The following ULK4 variants were observed in gnomAD, a reference collection of about 807,000 sequenced individuals.
ULK4 encodes the protein inactive serine/threonine-protein kinase ULK4.
Under a neutral mutation model 160.6 loss-of-function variants are expected in ULK4, and 133 were observed. That is an observed-to-expected ratio of 0.83 (90% CI 0.72 to 0.96). The LOEUF is 0.96. Among genes scored for constraint, ULK4 ranks in the 40% least tolerant of loss-of-function variants. ULK4 has a pLI of 0.00. For synonymous variants in ULK4, 534 were observed against 539.8 expected, an observed-to-expected ratio of 0.99 and a Z score of 0.15; for missense variants, 1,580 against 1,499.5, an observed-to-expected ratio of 1.05 and a Z score of -0.89.
At chr3:41,626,410 G>A (rs1419934532) in intron 30 of ULK4, among the ~76,000 whole-genome samples, 1 of 151,974 alleles carries the variant, frequency 6.6e-6, no homozygotes, top group Non-Finnish European at 1.5e-5. Context: ...ATCTATGGAA[G>A]CTACAAGCAC....
At chr3:41,627,404 A>G (rs990781536) in intron 30 of ULK4, among the ~76,000 whole-genome samples, 3 of 152,184 alleles carry the variant, frequency 2.0e-5, no homozygotes, top group Admixed American at 2.0e-4. Context: ...CTACTCATAA[A>G]AAGAGTAGAC....
At chr3:41,668,400 A>C (rs903096218) in intron 29 of ULK4, among the ~76,000 whole-genome samples, 1 of 152,104 alleles carries the variant, frequency 6.6e-6, no homozygotes, top group African/African-American at 2.4e-5. Context: ...TCATATAAAA[A>C]TTTTTTTCTG....
intron 35 of ULK4, among the ~76,000 whole-genome samples, chr3:41,299,115 T>G (rs2079731127): frequency 6.6e-6 from 1 of 152,182 alleles, no homozygotes; most frequent in Non-Finnish European, 1.5e-5. Flanking sequence ...ATGGAAGTGA[T>G]GTTGTGCAGA....
intron 5 of ULK4, among the ~76,000 whole-genome samples, chr3:41,926,037 CCT>C (rs1432141338): frequency 6.6e-6 from 1 of 151,796 alleles, no homozygotes; most frequent in African/African-American, 2.4e-5. Flanking sequence ...GTCCCTGACC[CCT>C]GTGTCTCCTG....
In ULK4 at chr3:41,398,123, C is replaced by T. The variant is rs1199000300; in HGVS notation, c.3634G>A (p.Asp1212Asn). ...IFAHLLTSKEDPKEQKLLLRI... is the reference protein window; with the variant it reads ...IFAHLLTSKENPKEQKLLLRI... ...AACAGAAGCTTCTGCTCCTTTGGGT[C>T]CTCCTTGGATGTCAGTAAATGAGCA... Residue 1212 changes from aspartate to asparagine, a missense_variant, in exon 35 of 37, where the codon GAC becomes AAC. Physicochemically the swap from Asp to Asn is conservative, Grantham distance 23. Transcript: ENST00000301831. The T allele has an allele frequency of 4.3e-6, 7 of 1,613,242 alleles. No homozygotes were observed. Among genetic ancestry groups the T allele is most frequent in the Non-Finnish European group, 5.9e-6 (7 of 1,179,620 alleles).
chr3:41,915,889 CATT>C (rs1698950465), intron 8 of ULK4, 85 bp downstream of exon 8: 2 of 868,896 alleles, frequency 2.3e-6, no homozygotes. Context: ...GAAAAGATTT[CATT>C]ATTTATTCCC....
In ULK4 at chr3:41,566,276, C is replaced by A. The variant is rs2087780110; in HGVS notation, c.3121-146G>T. The A allele has an allele frequency of 8.9e-6, 6 of 672,648 alleles. No individual in the cohort carries two copies. In the Admixed American group the frequency reaches 1.7e-4, roughly 19 times the overall value. 41.7% of individuals were successfully genotyped at this position (672,648 alleles called of 1,614,324 possible). ...TTGCACTTTAATGAAGCACATCCTT[C>A]TATGTTAAGACAAATCCCATCAGTG... On this transcript the variant is annotated intron_variant, in intron 31 of 36. Transcript: ENST00000301831.
chr3:41,638,776 T>C (rs2034062266), intron 30 of ULK4, among the ~76,000 whole-genome samples: 1 of 152,216 alleles, frequency 6.6e-6, no homozygotes, highest in African/African-American at 2.4e-5. Flanking sequence ...TGTTGAGACA[T>C]GACAGATGAA....
At chr3:41,725,790 C>T (rs1010764706) in intron 22 of ULK4, among the ~76,000 whole-genome samples, 1 of 152,072 alleles carries the variant, frequency 6.6e-6, no homozygotes, top group African/African-American at 2.4e-5. Flanking sequence ...TACGGAGATA[C>T]TCTGAGGCCT....
intron 4 of ULK4, 61 bp from the exon 5 acceptor site, chr3:41,932,067 T>C: frequency 6.9e-7 from 1 of 1,457,416 alleles, no homozygotes; most frequent in Non-Finnish European, 9.3e-7. Flanking sequence ...CATATATCAG[T>C]ACCTCTTATA....
chr3:41,525,836 G>A (rs2086097033), intron 32 of ULK4, among the ~76,000 whole-genome samples: 1 of 152,116 alleles, frequency 6.6e-6, no homozygotes, highest in South Asian at 2.1e-4. Flanking sequence ...TGCTTATGAT[G>A]TAGCTCCTTT....
At chr3:41,422,592 T>TA (rs1248972768) in intron 34 of ULK4, among the ~76,000 whole-genome samples, 4 of 151,988 alleles carry the variant, frequency 2.6e-5, no homozygotes, top group African/African-American at 9.7e-5. Flanking sequence ...TATTTCCTTT[T>TA]TTTTCTTACT....
At chr3:41,302,016 G>A (rs1056126764) in intron 35 of ULK4, among the ~76,000 whole-genome samples, 39 of 152,156 alleles carry the variant, frequency 2.6e-4, no homozygotes, top group African/African-American at 8.0e-4. Context: ...ATGATGATGC[G>A]AAGCACCTGA....
At chr3:41,884,364 T>A (rs892607513) in intron 16 of ULK4, among the ~76,000 whole-genome samples, 1 of 152,234 alleles carries the variant, frequency 6.6e-6, no homozygotes, top group Admixed American at 6.5e-5. Flanking sequence ...TAGTAAATAA[T>A]ATCTGAACAG....
chr3:41,750,998 GA>G (rs371184100), intron 22 of ULK4, among the ~76,000 whole-genome samples: 2 of 142,996 alleles, frequency 1.4e-5, no homozygotes, highest in African/African-American at 5.2e-5. Flanking sequence ...GAGAGAGAGA[GA>G]GGAAGGGAGG....
chr3:41,684,496 G>C (rs958063487), intron 27 of ULK4, among the ~76,000 whole-genome samples: 1 of 152,170 alleles, frequency 6.6e-6, no homozygotes, highest in African/African-American at 2.4e-5. Context: ...CTAGCATCCA[G>C]AAGGTGGGAA....
intron 5 of ULK4, among the ~76,000 whole-genome samples, chr3:41,931,352 G>A (rs2148822072): frequency 6.6e-6 from 1 of 151,666 alleles, no homozygotes; most frequent in South Asian, 2.1e-4. Context: ...TCTAAAGGAG[G>A]GATAGCATTG....
intron 35 of ULK4, among the ~76,000 whole-genome samples, chr3:41,378,870 C>A (rs1464415466): frequency 2.6e-5 from 4 of 151,360 alleles, no homozygotes; most frequent in Non-Finnish European, 5.9e-5. Flanking sequence ...GAATACTATG[C>A]AGCCATAAAA....
At position 41,767,996 on chromosome 3, in the gene ULK4, G is replaced by A. The variant is rs536415055; in HGVS notation, c.2194-13508C>T. On this transcript the variant is annotated intron_variant, in intron 21 of 36. Transcript: ENST00000301831. ...GCACAGCAGAAGGTGAGCGGTGGGC[G>A]AGCTAGCATTCTCACCTGAGCTCCA... 9.2e-5 allele frequency among the ~76,000 whole-genome samples: 14 copies of A among 152,258 alleles called. No individual in the cohort carries two copies. The South Asian group carries it at 1.7e-3, about 18-fold the overall frequency.
Sources: gnomAD v4.1 joint callset for allele counts (sites outside exome capture counted in the v4.1 genomes callset) on GRCh38, gnomAD v4.1.1 for gene constraint, MANE v1.5 for transcripts, NCBI Gene and HGNC (gene_info 2026-07-23, HGNC 2026-07-21) for gene names.